MYBPC3: variants seen among roughly 807,000 people sequenced by gnomAD.
MYBPC3 encodes the protein myosin binding protein C3, also known as myosin-binding protein C, cardiac-type.
MYBPC3 carries 108 observed loss-of-function variants against 159.3 expected under a neutral mutation model. That is an observed-to-expected ratio of 0.68 (90% CI 0.58 to 0.80). The LOEUF (loss-of-function observed/expected upper bound fraction) is 0.80, where lower values mean the gene tolerates loss of function less well. Among genes scored for constraint, MYBPC3 ranks in the 30% least tolerant of loss-of-function variants. The pLI is 0.00. For synonymous variants in MYBPC3, 730 were observed against 702.0 expected (o/e 1.04, Z -0.63); for missense variants, 1,631 against 1,762.1 (o/e 0.93, Z 1.33).
intron 23 of MYBPC3, among the ~76,000 whole-genome samples, 183 bp from the exon 24 acceptor site, chr11:47,337,977 T>C (rs373345086): frequency 1.3e-4 from 19 of 142,450 alleles, no homozygotes; most frequent in African/African-American, 4.8e-4. Context: ...TTTTTAGTGA[T>C]ATGGAGTCTC....
Position 47,346,380 on chromosome 11 carries a change from G to A in MYBPC3, c.927-10C>T, listed in dbSNP as rs201078659. 2.4e-5 allele frequency: 37 copies of A among 1,559,882 alleles called. No homozygotes were observed. The Middle Eastern group carries it at 6.9e-4, about 29-fold the overall frequency. ...CTCCAGCTTCGAGTCCCTGTGTCCC[G>A]CAGTCTAGGCTGTGGCCGGGGGCAA... On this transcript the variant is annotated splice_polypyrimidine_tract_variant and intron_variant, in intron 11 of 34. Transcript: ENST00000545968. This position sits in a 1 kb window ranked among gnomAD's most constrained non-coding sequence, Gnocchi z 5.3.
In MYBPC3 at chr11:47,346,464, C is replaced by T. The variant is rs893415236; in HGVS notation, c.927-94G>A. The stretch of plus-strand genomic sequence containing the variant: ...CAGGACCAAGGAGCTGTAGCCACCC[C>T]TGTCCCTCTGCCCCTTCCCTTCTGG... On this transcript the variant is annotated intron_variant, in intron 11 of 34. Transcript: ENST00000545968. The surrounding 1 kb of genome is among the most constrained non-coding windows in gnomAD (Gnocchi z 5.3). 3 of 1,465,128 alleles carry T rather than the reference C, an allele frequency of 2.0e-6. No individual in the cohort carries two copies. The African/African-American group carries it at 4.2e-5, about 21-fold the overall frequency. The allele number at this position is 1,465,128 out of a possible 1,614,324, so 90.8% of individuals were successfully genotyped here.
chr11:47,340,172 C>G (rs2095886968), intron 20 of MYBPC3, among the ~76,000 whole-genome samples: 1 of 151,578 alleles, frequency 6.6e-6, no homozygotes, highest in Non-Finnish European at 1.5e-5. Context: ...TACACATACA[C>G]ACATGCACAC....
rs1352802846 is a variant in MYBPC3 at position 47,339,215 on chromosome 11, C to T, written c.2148+109G>A. On this transcript the variant is annotated intron_variant, in intron 22 of 34. Coordinates refer to ENST00000545968, the MANE Select transcript of MYBPC3 (RefSeq NM_000256.3). The stretch of plus-strand genomic sequence containing the variant: ...GGACCCTGCTGGGGGCAGCAACACA[C>T]CCGGCCAAGTGTGGCACCTCCATGG... The T allele has an allele frequency of 3.3e-6, 4 of 1,212,436 alleles. No homozygotes were observed. In the African/African-American group the frequency reaches 4.5e-5, roughly 14 times the overall value. 75.1% of individuals were successfully genotyped at this position (1,212,436 alleles called of 1,614,324 possible). A position where few individuals can be genotyped will look rare whatever the true frequency, so the allele number is the denominator to read the frequency against.
At position 47,331,491 on chromosome 11, in the gene MYBPC3, T is replaced by G; in HGVS notation, c.*252A>C. 1 of 217,650 alleles carries G rather than the reference T, an allele frequency of 4.6e-6. No homozygotes were observed. Among genetic ancestry groups the G allele is most frequent in the African/African-American group, 2.3e-5 (1 of 43,900 alleles). 13.5% of individuals were successfully genotyped at this position (217,650 alleles called of 1,614,324 possible). A position where few individuals can be genotyped will look rare whatever the true frequency, so the allele number is the denominator to read the frequency against. ...GGCCAGAAAGGCCTGTCCCCAGACA[T>G]TGTTTCTTGAGGCCACCCTCCTTTT... On this transcript the variant is annotated 3_prime_UTR_variant, in exon 35 of 35. Transcript: ENST00000545968.
chr11:47,335,778 A>G (rs770747795), intron 26 of MYBPC3, 99 bp downstream of exon 26: 1 of 1,137,902 alleles, frequency 8.8e-7, no homozygotes. Context: ...ACTTTCGGCA[A>G]AAGTGGGCCT....
rs397515910 is a variant in MYBPC3 at position 47,342,627 on chromosome 11, A to T, written c.1575T>A (p.Tyr525Ter). ...CCTGGCCCCCGCTAGTGCACAGTGC[A>T]TAGTGCCCCGCGTCCTCCAGCATGG... ...NEAMLEDAGH[Y>*]ALCTSGGQAL... The change falls in exon 17 of 35, where the codon TAT (tyrosine) becomes TAA (stop). Residue 525 changes from tyrosine to a stop codon, truncating the protein, a stop_gained. Transcript: ENST00000545968. LOFTEE classifies it high-confidence loss of function. 1.9e-6 allele frequency: 3 copies of T among 1,613,914 alleles called. No homozygotes were observed.
intron 12 of MYBPC3, among the ~76,000 whole-genome samples, chr11:47,344,548 G>T (rs1015736251): frequency 6.6e-6 from 1 of 152,182 alleles, no homozygotes; most frequent in Non-Finnish European, 1.5e-5. Flanking sequence ...GGAAGTGGGG[G>T]CTCCATCCAC....
rs891663460 is a variant in MYBPC3, at chr11:47,334,594, T to C, written c.2905+448A>G. Among the ~76,000 whole-genome samples the C allele has an allele frequency of 4.0e-5, 6 of 151,590 alleles. No homozygotes were observed. The highest frequency in any genetic ancestry group is 7.4e-5 in the Non-Finnish European group (5 of 67,940). The stretch of plus-strand genomic sequence containing the variant: ...TTTTTTTTTTGAGACGTTGTCTCAC[T>C]CTGTCACCCAGACTGGAGTGCAATA... On this transcript the variant is annotated intron_variant, in intron 27 of 34. Transcript: ENST00000545968.
rs570058149 is a variant in MYBPC3, at chr11:47,331,612, A to G, written c.*131T>C. 2.6e-4 allele frequency: 136 copies of G among 523,680 alleles called. 4 individuals carry two copies. The South Asian group carries it at 3.2e-3, about 12-fold the overall frequency. The allele number at this position is 523,680 out of a possible 1,614,324, so 32.4% of individuals were successfully genotyped here. On this transcript the variant is annotated 3_prime_UTR_variant, in exon 35 of 35. Coordinates refer to ENST00000545968, the MANE Select transcript of MYBPC3 (RefSeq NM_000256.3). ...CCGACAACTGCCCTGCTGATCCCCC[A>G]TCGCAGCACAGGAGACACACTTGTC...
intron 30 of MYBPC3, 60 bp downstream of exon 30, chr11:47,333,133 GC>G: frequency 6.4e-7 from 1 of 1,556,418 alleles, no homozygotes; most frequent in Non-Finnish European, 8.7e-7. Flanking sequence ...AAGGGTAGCT[GC>G]GGCCTGGGTC....
chr11:47,346,678 G>C lies in MYBPC3; in HGVS notation c.909-34C>G. 1 of 1,593,778 alleles carries C rather than the reference G, an allele frequency of 6.3e-7. No individual in the cohort carries two copies. Among genetic ancestry groups the C allele is most frequent in the South Asian group, 1.1e-5 (1 of 87,770 alleles). On this transcript the variant is annotated intron_variant, in intron 10 of 34. Coordinates refer to ENST00000545968, the MANE Select transcript of MYBPC3 (RefSeq NM_000256.3). The surrounding 1 kb of genome is among the most constrained non-coding windows in gnomAD (Gnocchi z 5.3). ...GGGGTGGGGGTGGGAGAAAGGGTAG[G>C]TGGCACATGAGAGGTATGGCCACCT...
At chr11:47,348,800 G>A (rs562534768) in intron 5 of MYBPC3, among the ~76,000 whole-genome samples, 1 of 150,540 alleles carries the variant, frequency 6.6e-6, no homozygotes, top group African/African-American at 2.4e-5. Context: ...AGCTACTCGG[G>A]AGGCTGAGGT....
Position 47,331,709 on chromosome 11 carries a change from G to T in MYBPC3, c.*34C>A. 1.1e-6 allele frequency: 1 copy of T among 940,468 alleles called. No individual in the cohort carries two copies. The highest frequency in any genetic ancestry group is 1.8e-5 in the South Asian group (1 of 56,770). The allele number at this position is 940,468 out of a possible 1,614,324, so 58.3% of individuals were successfully genotyped here. A position where few individuals can be genotyped will look rare whatever the true frequency, so the allele number is the denominator to read the frequency against. On this transcript the variant is annotated 3_prime_UTR_variant, in exon 35 of 35. Transcript: ENST00000545968. The stretch of plus-strand genomic sequence containing the variant: ...GGCTCCTGGCACGGGGCTGGCATCC[G>T]GTTGTACCTGCAACACAGGTTATCT...
chr11:47,337,401 G>A lies in MYBPC3; in HGVS notation c.2592C>T (p.Phe864=). ...GCCAGGCAGGCTCACCGATAGGCATGAAGGGCTGGGAGGCAGGGCTGGGCC... is the reference window on the plus strand; with the variant it reads ...GCCAGGCAGGCTCACCGATAGGCATAAAGGGCTGGGAGGCAGGGCTGGGCC... ...MSRPSPASQP[F]MPIGPPSEPT... Residue 864 remains phenylalanine (F), a synonymous_variant, in exon 25 of 35, where the codon TTC becomes TTT. Transcript: ENST00000545968. 6.3e-7 allele frequency: 1 copy of A among 1,592,608 alleles called. No individual in the cohort carries two copies. The highest frequency in any genetic ancestry group is 8.6e-7 in the Non-Finnish European group (1 of 1,168,318).
Position 47,341,049 on chromosome 11 carries a change from A to G in MYBPC3, c.1898-17T>C. On this transcript the variant is annotated splice_polypyrimidine_tract_variant and intron_variant, in intron 19 of 34. Coordinates refer to ENST00000545968, the MANE Select transcript of MYBPC3 (RefSeq NM_000256.3). ...TCTTGACCTCTGCAAGAGAAGGAAG[A>G]GCAAGTAGCACGGGGGCAAAGGCAG... is the stretch of plus-strand genomic sequence containing the variant. The G allele has an allele frequency of 1.3e-6, 2 of 1,575,970 alleles. No individual in the cohort carries two copies. The highest frequency in any genetic ancestry group is 1.2e-5 in the South Asian group (1 of 86,018).
Position 47,343,615 on chromosome 11 carries a change from T to C in MYBPC3, c.1100A>G (p.Lys367Arg), listed in dbSNP as rs756633062. Reference protein sequence around the residue: ...RDEKKSTAFQKKLEPAYQVSK... With the variant: ...RDEKKSTAFQRKLEPAYQVSK... Reference sequence around the variant, plus strand: ...CACCTGGTAGGCCGGCTCCAGCTTCTTCTGAAAGGCTGAGCACCACCCCTC... The same window carrying C: ...CACCTGGTAGGCCGGCTCCAGCTTCCTCTGAAAGGCTGAGCACCACCCCTC... The change falls in exon 13 of 35, where the codon AAG becomes AGG. Residue 367 changes from lysine to arginine, a missense_variant. Coordinates refer to ENST00000545968, the MANE Select transcript of MYBPC3 (RefSeq NM_000256.3). 2 of 1,611,440 alleles carry C rather than the reference T, an allele frequency of 1.2e-6. No individual in the cohort carries two copies. The highest frequency in any genetic ancestry group is 2.2e-5 in the South Asian group (2 of 90,758).
rs568935618 is a variant in MYBPC3, at chr11:47,335,064, C to T, written c.2883G>A (p.Pro961=). The T allele has an allele frequency of 7.0e-6, 11 of 1,577,020 alleles. No individual in the cohort carries two copies. The highest frequency in any genetic ancestry group is 5.3e-5 in the Admixed American group (3 of 57,060). Residue 961 remains proline (P), a synonymous_variant, in exon 27 of 35, where the codon CCG becomes CCA. Coordinates refer to ENST00000545968, the MANE Select transcript of MYBPC3 (RefSeq NM_000256.3). ...CACGCAGGATCTCCTGCACTGTCAC[C>T]GGCTCCGTGGTGGTAACAGGGGCTC... ...GPGAPVTTTE[P]VTVQEILQRP...
At chr11:47,342,787 G>A (rs2095890187) in intron 16 of MYBPC3, 43 bp from the exon 17 acceptor site, 1 of 1,612,422 alleles carries the variant, frequency 6.2e-7, no homozygotes, top group Admixed American at 1.7e-5. Flanking sequence ...CCTCTTCTGG[G>A]CAGATGCCCC....
Sources: gnomAD v4.1 joint callset for allele counts (sites outside exome capture counted in the v4.1 genomes callset) on GRCh38, gnomAD v4.1.1 for gene constraint, Gnocchi (gnomAD v3.1) non-coding constraint, MANE v1.5 for transcripts, NCBI Gene and HGNC (gene_info 2026-07-23, HGNC 2026-07-21) for gene names.